The following PARP8 variants were observed in gnomAD, a reference collection of about 807,000 sequenced individuals.
PARP8 encodes the protein protein mono-ADP-ribosyltransferase PARP8.
Under a neutral mutation model 124.1 loss-of-function variants are expected in PARP8, and 51 were observed. That is an observed-to-expected ratio of 0.41 (90% confidence interval 0.33 to 0.52). The LOEUF (loss-of-function observed/expected upper bound fraction) is 0.52, where lower values mean the gene tolerates loss of function less well. PARP8 is among the 20% of genes least tolerant of loss of function. PARP8 has a pLI of 0.21. For missense variants in PARP8, 860 were observed against 1,018.9 expected (o/e 0.84, Z 2.12); for synonymous variants, 391 against 361.5 (o/e 1.08, Z -0.93).
chr5:50,783,404 T>C (rs1390299252), intron 9 of PARP8, among the ~76,000 whole-genome samples: 1 of 152,190 alleles, frequency 6.6e-6, no homozygotes, highest in East Asian at 1.9e-4. Context: ...CAATGGCCTA[T>C]GTGTATATCC....
intron 25 of PARP8, among the ~76,000 whole-genome samples, chr5:50,838,114 G>C (rs1345276329): frequency 1.3e-5 from 2 of 152,040 alleles, no homozygotes; most frequent in African/African-American, 4.8e-5. Flanking sequence ...CCCTCAAAAA[G>C]GGCTAATACC....
At chr5:50,751,798 A>G (rs1759295521) in intron 3 of PARP8, among the ~76,000 whole-genome samples, 1 of 152,104 alleles carries the variant, frequency 6.6e-6, no homozygotes, top group Non-Finnish European at 1.5e-5. Context: ...CCTCTGGGGA[A>G]GTAGTGTTAG....
chr5:50,689,242 C>T (rs1054781486), intron 2 of PARP8, among the ~76,000 whole-genome samples: 3 of 152,124 alleles, frequency 2.0e-5, no homozygotes, highest in Non-Finnish European at 4.4e-5. Context: ...TGTTAGCTGT[C>T]ACAGCTTTGA....
rs759315573 is a variant in PARP8 at position 50,829,943 on chromosome 5, A to G, written c.2215A>G (p.Ile739Val). Residue 739 changes from isoleucine (I) to valine (V), a missense_variant, in exon 22 of 26, where the codon ATA (isoleucine) becomes GTA (valine). Coordinates refer to ENST00000281631, the MANE Select transcript of PARP8 (RefSeq NM_024615.4). ...AATCTATCTTAGTCCAATGTCAAGCATATCATTTGGTTACTCAGGTAATTC... is the reference window on the plus strand; with the variant it reads ...AATCTATCTTAGTCCAATGTCAAGCGTATCATTTGGTTACTCAGGTAATTC... ...SGIYLSPMSS[I>V]SFGYSGMNKK... 14 of 1,608,788 alleles carry G rather than the reference A, an allele frequency of 8.7e-6. No individual in the cohort carries two copies. The highest frequency in any genetic ancestry group is 1.2e-5 in the Non-Finnish European group (14 of 1,177,100).
chr5:50,713,176 A>T (rs1194163125), intron 2 of PARP8, among the ~76,000 whole-genome samples: 1 of 152,082 alleles, frequency 6.6e-6, no homozygotes, highest in Non-Finnish European at 1.5e-5. Flanking sequence ...TCAATAAGTT[A>T]ATTATCCAAA....
chr5:50,775,668 G>T (rs73101089), intron 7 of PARP8, among the ~76,000 whole-genome samples: 4,049 of 152,164 alleles, frequency 0.027, 181 homozygotes, highest in African/African-American at 0.093. Context: ...TTGTAAATAG[G>T]ATTTGTTTTT....
At chr5:50,805,805 A>G (rs1350628863) in intron 14 of PARP8, among the ~76,000 whole-genome samples, 4 of 152,192 alleles carry the variant, frequency 2.6e-5, no homozygotes, top group Admixed American at 6.6e-5. Flanking sequence ...TTGCCAGTCA[A>G]CTTTTCTCTC....
At position 50,843,520 on chromosome 5, in the gene PARP8, TG is replaced by T. The variant is rs1428134438; in HGVS notation, c.*1453del. On this transcript the variant is annotated 3_prime_UTR_variant, in exon 26 of 26. Transcript: ENST00000281631. ...GGAAGTGTTTTCTAATAATTTGTTT[TG>T]TTATATTGCAAATAATTGATATGCC... 6.6e-6 allele frequency: 1 copy of T among 151,822 alleles called. No homozygotes were observed. Among genetic ancestry groups the T allele is most frequent in the African/African-American group, 2.4e-5 (1 of 41,396 alleles). 9.4% of individuals were successfully genotyped at this position (151,822 alleles called of 1,614,324 possible).
At chr5:50,736,937 A>G (rs1311829031) in intron 2 of PARP8, among the ~76,000 whole-genome samples, 1 of 152,194 alleles carries the variant, frequency 6.6e-6, no homozygotes, top group Non-Finnish European at 1.5e-5. Flanking sequence ...GATCAAGGTG[A>G]TAAAATTAAC....
At chr5:50,667,725 C>T in intron 1 of PARP8, 1 of 701,546 alleles carries the variant, frequency 1.4e-6, no homozygotes. Context: ...CCCAAGGCAC[C>T]CAGCGCCCCT....
intron 13 of PARP8, 24 bp downstream of exon 13, chr5:50,797,056 T>A (rs1301187937): frequency 1.2e-6 from 2 of 1,611,980 alleles, no homozygotes; most frequent in East Asian, 2.2e-5. Flanking sequence ...CTCTATCCAT[T>A]GTACAAATAT....
chr5:50,693,698 A>C (rs1175737887), intron 2 of PARP8, among the ~76,000 whole-genome samples: 1 of 151,572 alleles, frequency 6.6e-6, no homozygotes, highest in Non-Finnish European at 1.5e-5. Context: ...ATGTAAATTA[A>C]TCATTTGATT....
At chr5:50,827,792 C>T (rs1446038837) in intron 19 of PARP8, 152 bp from the exon 20 acceptor site, 2 of 613,728 alleles carry the variant, frequency 3.3e-6, no homozygotes, top group African/African-American at 1.9e-5. Flanking sequence ...GTTTTAAAAA[C>T]ATTATACAAA....
At chr5:50,836,209 T>G (rs1747565201) in intron 25 of PARP8, among the ~76,000 whole-genome samples, 1 of 152,056 alleles carries the variant, frequency 6.6e-6, no homozygotes, top group Admixed American at 6.6e-5. Flanking sequence ...GAGGCAGCAG[T>G]GAGTATAGGA....
intron 14 of PARP8, among the ~76,000 whole-genome samples, chr5:50,808,933 A>G (rs578198): frequency 0.1 from 15,909 of 152,036 alleles, 898 homozygotes; most frequent in South Asian, 0.17. Flanking sequence ...ACCCTCCCCT[A>G]ACCTTCAACA....
chr5:50,820,718 C>CAT (rs1745669889), intron 15 of PARP8, among the ~76,000 whole-genome samples: 1 of 152,220 alleles, frequency 6.6e-6, no homozygotes, highest in Non-Finnish European at 1.5e-5. Context: ...TTCCTGACCC[C>CAT]GTACAGGTCT....
At chr5:50,691,446 G>T (rs1287738310) in intron 2 of PARP8, among the ~76,000 whole-genome samples, 1 of 152,140 alleles carries the variant, frequency 6.6e-6, no homozygotes, top group Non-Finnish European at 1.5e-5. Context: ...CTGCTGTGAT[G>T]AAATCCTGGT....
chr5:50,684,564 G>T (rs1751646646), intron 2 of PARP8, among the ~76,000 whole-genome samples: 1 of 151,874 alleles, frequency 6.6e-6, no homozygotes, highest in Non-Finnish European at 1.5e-5. Flanking sequence ...TCATAAAAAG[G>T]ATAAAATGCC....
chr5:50,750,199 CT>C lies in PARP8; in HGVS notation c.184+13del, dbSNP rs761891971. 3.2e-6 allele frequency: 5 copies of C among 1,576,646 alleles called. No individual in the cohort carries two copies. Among genetic ancestry groups the C allele is most frequent in the Admixed American group, 3.4e-5 (2 of 59,418 alleles). On this transcript the variant is annotated intron_variant, in intron 3 of 25. Coordinates refer to ENST00000281631, the MANE Select transcript of PARP8 (RefSeq NM_024615.4). ...CTGAAGATTACCCAGGTATGCTTTT[CT>C]TGTTTTATTACAGATATTCGTATCA...
Sources: allele counts gnomAD v4.1 joint callset (sites outside exome capture counted in the v4.1 genomes callset), GRCh38; gene constraint gnomAD v4.1.1; transcripts MANE v1.5; gene names NCBI Gene and HGNC (gene_info 2026-07-23, HGNC 2026-07-21).